Variants in PTPN13 observed in about 807,000 individuals in gnomAD.
The protein encoded by PTPN13 is tyrosine-protein phosphatase non-receptor type 13.
In PTPN13, 191 loss-of-function variants were observed where a neutral mutation model predicts 284.0. The observed-to-expected ratio is 0.67, with a 90% CI of 0.60 to 0.76. The LOEUF (loss-of-function observed/expected upper bound fraction) is 0.76. Among genes scored for constraint, PTPN13 ranks in the 30% least tolerant of loss-of-function variants. The pLI is 0.00. For missense variants in PTPN13, 2,797 were observed against 2,939.9 expected (o/e 0.95, Z 1.12); for synonymous variants, 986 against 1,022.3 (o/e 0.96, Z 0.68).
intron 43 of PTPN13, among the ~76,000 whole-genome samples, chr4:86,804,932 G>A (rs1744491474): frequency 1.3e-5 from 2 of 152,152 alleles, no homozygotes; most frequent in African/African-American, 4.8e-5. Flanking sequence ...AGACTATACT[G>A]TCAATAAATT....
rs747016180 is a variant in PTPN13 at position 86,701,849 on chromosome 4, A to AT, written c.1195+55dup. ...GAGAAAGAATTGAAGTATTTTAAATATTTTTTTGAAATAAAGAAGGGTTAT... is the reference window on the plus strand; with the variant it reads ...GAGAAAGAATTGAAGTATTTTAAATATTTTTTTTGAAATAAAGAAGGGTTAT... On this transcript the variant is annotated intron_variant, in intron 7 of 47. Transcript: ENST00000411767. 1.2e-5 allele frequency: 18 copies of AT among 1,489,684 alleles called. No individual in the cohort carries two copies. The African/African-American group carries it at 2.0e-4, about 16-fold the overall frequency. The allele number at this position is 1,489,684 out of a possible 1,614,324, so 92.3% of individuals were successfully genotyped here.
intron 3 of PTPN13, among the ~76,000 whole-genome samples, chr4:86,679,708 A>G (rs868321821): frequency 2.0e-5 from 3 of 152,304 alleles, no homozygotes; most frequent in African/African-American, 7.2e-5. Flanking sequence ...AGCACATGTA[A>G]AGCAGCTCAT....
intron 1 of PTPN13, among the ~76,000 whole-genome samples, chr4:86,613,633 CAAAAA>C (rs544971012): frequency 4.9e-5 from 3 of 61,536 alleles, no homozygotes; most frequent in Non-Finnish European, 3.6e-5. Context: ...GACTCCGTCT[CAAAAA>C]AAAAAAAAAA....
chr4:86,771,473 T>C lies in PTPN13; in HGVS notation c.5106T>C (p.Asp1702=), dbSNP rs983022047. Residue 1702 remains aspartate (D), a synonymous_variant, in exon 31 of 48, where the codon GAT becomes GAC. Coordinates refer to ENST00000411767, the MANE Select transcript of PTPN13 (RefSeq NM_080683.3). ...SHHEAPKSQE[D]TICTMFYYPQ... is the part of the protein sequence containing the mutation. ...ATGAAGCACCCAAGAGTCAAGAAGA[T>C]ACCATTTGTACCATGTTTTACTATC... 6.4e-7 allele frequency: 1 copy of C among 1,565,824 alleles called. No individual in the cohort carries two copies. Among genetic ancestry groups the C allele is most frequent in the Non-Finnish European group, 8.7e-7 (1 of 1,153,320 alleles).
At chr4:86,724,152 A>G (rs10470883) in intron 10 of PTPN13, among the ~76,000 whole-genome samples, 11,602 of 152,280 alleles carry the variant, frequency 0.076, 611 homozygotes, top group Non-Finnish European at 0.11. Flanking sequence ...ATTGTAGTTT[A>G]TAAAACACTA....
At chr4:86,799,278 A>C in intron 42 of PTPN13, 74 bp downstream of exon 42, 1 of 876,240 alleles carries the variant, frequency 1.1e-6, no homozygotes, top group Admixed American at 3.0e-5. Flanking sequence ...TTTTCAGACT[A>C]TATGGATATG....
intron 31 of PTPN13, among the ~76,000 whole-genome samples, chr4:86,771,740 A>C (rs923964232): frequency 1.3e-5 from 2 of 152,346 alleles, no homozygotes; most frequent in East Asian, 1.9e-4. Context: ...AGTCAGCCTG[A>C]GTCTTTCTTC....
chr4:86,656,396 A>G (rs151039348), intron 2 of PTPN13, among the ~76,000 whole-genome samples: 1 of 152,116 alleles, frequency 6.6e-6, no homozygotes, highest in African/African-American at 2.4e-5. Context: ...GTCTTTGATG[A>G]TGGTGACGTA....
chr4:86,689,644 T>C (rs1447447123), intron 5 of PTPN13: 2 of 702,324 alleles, frequency 2.8e-6, no homozygotes, highest in Non-Finnish European at 5.2e-6. Flanking sequence ...TTCTCCACTT[T>C]CCCTTCTTCT....
In PTPN13 at chr4:86,734,427, A is replaced by G; in HGVS notation, c.1983A>G (p.Lys661=). The change falls in exon 13 of 48, where the codon AAA becomes AAG. Residue 661 remains lysine (K), a synonymous_variant. Transcript: ENST00000411767. ...TVNFTLFFRI[K]FFMDDVSLIQ... is the part of the protein sequence containing the mutation. The stretch of plus-strand genomic sequence containing the variant: ...ATTTTACTTTGTTTTTCAGAATTAA[A>G]TTTTTTATGGATGATGTTAGTCTAA... 6.4e-7 allele frequency: 1 copy of G among 1,558,134 alleles called. No homozygotes were observed. Among genetic ancestry groups the G allele is most frequent in the Non-Finnish European group, 8.7e-7 (1 of 1,149,782 alleles).
At chr4:86,813,949 T>C (rs1403057222) in intron 47 of PTPN13, among the ~76,000 whole-genome samples, 2 of 151,370 alleles carry the variant, frequency 1.3e-5, no homozygotes, top group Non-Finnish European at 2.9e-5. Flanking sequence ...GTTTTGCCAA[T>C]CTGGTTTCTA....
At chr4:86,622,414 G>A (rs995579015) in intron 1 of PTPN13, among the ~76,000 whole-genome samples, 23 of 152,132 alleles carry the variant, frequency 1.5e-4, no homozygotes, top group African/African-American at 5.6e-4. Flanking sequence ...CCCTTTTAAT[G>A]TATGTTAACG....
intron 1 of PTPN13, among the ~76,000 whole-genome samples, chr4:86,620,908 T>C (rs1228411555): frequency 6.6e-6 from 1 of 152,250 alleles, no homozygotes; most frequent in Non-Finnish European, 1.5e-5. Context: ...GCCAAGTGTT[T>C]AATAGACATA....
chr4:86,802,871 G>A (rs922988761), intron 42 of PTPN13, among the ~76,000 whole-genome samples: 4 of 151,884 alleles, frequency 2.6e-5, no homozygotes, highest in African/African-American at 9.7e-5. Flanking sequence ...CAGGAGTTCA[G>A]GACCAGCCTG....
chr4:86,621,821 T>C (rs1721284448), intron 1 of PTPN13, among the ~76,000 whole-genome samples: 2 of 152,180 alleles, frequency 1.3e-5, no homozygotes, highest in African/African-American at 4.8e-5. Context: ...TTTTTTCTTA[T>C]TCTTTTCCTT....
chr4:86,660,782 AC>A (rs1406974070), intron 2 of PTPN13, among the ~76,000 whole-genome samples: 2 of 152,020 alleles, frequency 1.3e-5, no homozygotes, highest in African/African-American at 4.8e-5. Flanking sequence ...GTAGCAAACT[AC>A]CCCTTCCCCA....
At position 86,751,270 on chromosome 4, in the gene PTPN13, C is replaced by G. The variant is rs538036880; in HGVS notation, c.3166+146C>G. ...AAATTTTAGGCTACTTAAAATGCACCAAATCAAATTACCACTTGATTTAAC... is the reference window on the plus strand; with the variant it reads ...AAATTTTAGGCTACTTAAAATGCACGAAATCAAATTACCACTTGATTTAAC... On this transcript the variant is annotated intron_variant, in intron 19 of 47. Transcript: ENST00000411767. 47 of 634,042 alleles carry G rather than the reference C, an allele frequency of 7.4e-5. 1 individual carries two copies. The South Asian group carries it at 8.8e-4, about 12-fold the overall frequency. 39.3% of individuals were successfully genotyped at this position (634,042 alleles called of 1,614,324 possible). A position where few individuals can be genotyped will look rare whatever the true frequency, so the allele number is the denominator to read the frequency against.
intron 2 of PTPN13, among the ~76,000 whole-genome samples, chr4:86,671,365 A>G (rs1043244297): frequency 1.3e-5 from 2 of 152,180 alleles, no homozygotes; most frequent in African/African-American, 4.8e-5. Context: ...ATTCAGATTG[A>G]ATAATGGAAT....
At chr4:86,812,769 T>A (rs1745383596) in intron 47 of PTPN13, among the ~76,000 whole-genome samples, 1 of 150,776 alleles carries the variant, frequency 6.6e-6, no homozygotes, top group Non-Finnish European at 1.5e-5. Flanking sequence ...AGAGGGGAGG[T>A]GACAGGGTCC....
Sources: allele counts gnomAD v4.1 joint callset (sites outside exome capture counted in the v4.1 genomes callset), GRCh38; gene constraint gnomAD v4.1.1; transcripts MANE v1.5; gene names NCBI Gene and HGNC (gene_info 2026-07-23, HGNC 2026-07-21).